TMEM178B: variants seen among roughly 807,000 people sequenced by gnomAD.
The protein encoded by TMEM178B is transmembrane protein 178B.
In TMEM178B, 5 loss-of-function variants were observed where a neutral mutation model predicts 31.0. The observed-to-expected ratio is 0.16, with a 90% CI of 0.08 to 0.34. TMEM178B has a LOEUF of 0.34. Among genes scored for constraint, TMEM178B ranks in the 10% least tolerant of loss-of-function variants. The probability of loss-of-function intolerance (pLI) is 1.00; values close to 1 mark genes in which losing one functional copy is unlikely to be tolerated. For synonymous variants in TMEM178B, 164 were observed against 164.0 expected (o/e 1.00, Z 0.00); for missense variants, 275 against 400.3 (o/e 0.69, Z 2.67).
At chr7:141,337,475 T>C (rs1799444656) in intron 2 of TMEM178B, among the ~76,000 whole-genome samples, 1 of 152,092 alleles carries the variant, frequency 6.6e-6, no homozygotes, top group Non-Finnish European at 1.5e-5. Context: ...ACTCAGGTAA[T>C]TGTCAAAAAA....
chr7:141,082,281 G>A (rs570404284), intron 1 of TMEM178B, among the ~76,000 whole-genome samples: 17 of 152,332 alleles, frequency 1.1e-4, no homozygotes, highest in African/African-American at 3.6e-4. Flanking sequence ...CTGGAGTTCA[G>A]GAGGTTTCAT....
In TMEM178B at chr7:141,422,738, G is replaced by A. The variant is rs1028527454; in HGVS notation, c.497-14870G>A. ...GAGCCAGCTACCACCAGCTTGAGAC[G>A]TGCAGTGGCTGGAGTGGGGAAGCTC... is the stretch of plus-strand genomic sequence containing the variant. On this transcript the variant is annotated intron_variant, in intron 2 of 3. Transcript: ENST00000565468. This position sits in a 1 kb window ranked among gnomAD's most constrained non-coding sequence, Gnocchi z 4.2. 6.6e-6 allele frequency among the ~76,000 whole-genome samples: 1 copy of A among 152,174 alleles called. No homozygotes were observed. Among genetic ancestry groups the A allele is most frequent in the African/African-American group, 2.4e-5 (1 of 41,450 alleles).
intron 1 of TMEM178B, among the ~76,000 whole-genome samples, chr7:141,133,413 T>C (rs1795625985): frequency 6.6e-6 from 1 of 151,856 alleles, no homozygotes; most frequent in Non-Finnish European, 1.5e-5. Context: ...CAAACAGACA[T>C]CCCATAACTG....
chr7:141,317,424 G>A (rs1267676921), intron 2 of TMEM178B, among the ~76,000 whole-genome samples: 1 of 152,192 alleles, frequency 6.6e-6, no homozygotes, highest in Non-Finnish European at 1.5e-5. Flanking sequence ...GAGAACAGCA[G>A]AGCTTTTCTA....
intron 1 of TMEM178B, among the ~76,000 whole-genome samples, chr7:141,077,110 C>G (rs1464250933): frequency 6.6e-6 from 1 of 152,192 alleles, no homozygotes; most frequent in Non-Finnish European, 1.5e-5. Context: ...AATTTTTACA[C>G]TTAGTGTTCC....
chr7:141,405,904 G>A (rs1303030282), intron 2 of TMEM178B, among the ~76,000 whole-genome samples: 2 of 152,186 alleles, frequency 1.3e-5, no homozygotes, highest in Admixed American at 6.5e-5. Flanking sequence ...ATGTGTCAGG[G>A]CATCAAAATG....
chr7:141,166,121 A>G (rs1380374430), intron 1 of TMEM178B, among the ~76,000 whole-genome samples: 1 of 152,210 alleles, frequency 6.6e-6, no homozygotes, highest in Non-Finnish European at 1.5e-5. Flanking sequence ...ATTTGCCACA[A>G]TTGCTGTACT....
chr7:141,203,826 A>C (rs1422769333), intron 1 of TMEM178B, among the ~76,000 whole-genome samples: 1 of 152,192 alleles, frequency 6.6e-6, no homozygotes, highest in Admixed American at 6.5e-5. Context: ...TCGGCATTGA[A>C]TAGATTTTTG....
chr7:141,278,449 G>T (rs182074024), intron 2 of TMEM178B, among the ~76,000 whole-genome samples: 1 of 152,194 alleles, frequency 6.6e-6, no homozygotes, highest in Non-Finnish European at 1.5e-5. Flanking sequence ...AGGCTTGGGG[G>T]CTGCGCACCT....
At chr7:141,487,741 C>CAAAA in the TMEM178B span, among the ~76,000 whole-genome samples, 6 of 30,260 alleles carry the variant, frequency 2.0e-4, no homozygotes, top group Non-Finnish European at 4.2e-4. Flanking sequence ...GACTCCGTCT[C>CAAAA]AAAAAAAAAA....
intron 3 of TMEM178B, among the ~76,000 whole-genome samples, chr7:141,452,249 T>C (rs1801878653): frequency 6.6e-6 from 1 of 152,204 alleles, no homozygotes; most frequent in Admixed American, 6.5e-5. Flanking sequence ...ATCTCCACCT[T>C]TCTGGAACCT....
intron 2 of TMEM178B, among the ~76,000 whole-genome samples, chr7:141,230,833 A>G (rs1797430387): frequency 6.6e-6 from 1 of 152,128 alleles, no homozygotes; most frequent in African/African-American, 2.4e-5. Flanking sequence ...GTAGATTACA[A>G]GACAGCTCAG....
intron 1 of TMEM178B, among the ~76,000 whole-genome samples, chr7:141,196,278 C>T (rs1444918493): frequency 6.6e-6 from 1 of 152,178 alleles, no homozygotes; most frequent in African/African-American, 2.4e-5. Context: ...TTGGTTTTCA[C>T]TCTTTTTTGC....
chr7:141,509,266 G>T, the TMEM178B span, among the ~76,000 whole-genome samples: 6 of 152,202 alleles, frequency 3.9e-5, no homozygotes, highest in African/African-American at 1.4e-4. Context: ...AATAGAGTAA[G>T]TGAAGAGGAA....
chr7:141,278,140 C>T (rs1049403691), intron 2 of TMEM178B, among the ~76,000 whole-genome samples: 1 of 152,176 alleles, frequency 6.6e-6, no homozygotes, highest in African/African-American at 2.4e-5. Flanking sequence ...TAGATGTCGG[C>T]AGTGGGAAAT....
At chr7:141,097,720 A>T (rs1243102571) in intron 1 of TMEM178B, among the ~76,000 whole-genome samples, 1 of 149,780 alleles carries the variant, frequency 6.7e-6, no homozygotes, top group Admixed American at 6.6e-5. Context: ...TATATAACTT[A>T]CTCATCATAT....
chr7:141,394,532 T>G (rs1443465531), intron 2 of TMEM178B, among the ~76,000 whole-genome samples: 1 of 152,214 alleles, frequency 6.6e-6, no homozygotes, highest in African/African-American at 2.4e-5. Context: ...TAACTTATTT[T>G]GGGGATAGTA....
chr7:141,336,398 G>A (rs1028555762), intron 2 of TMEM178B, among the ~76,000 whole-genome samples: 1 of 152,156 alleles, frequency 6.6e-6, no homozygotes, highest in Admixed American at 6.5e-5. Context: ...TCAGAGATCA[G>A]TCAGGAGGAG....
intron 1 of TMEM178B, among the ~76,000 whole-genome samples, chr7:141,199,290 T>C (rs1796836950): frequency 6.6e-6 from 1 of 152,180 alleles, no homozygotes; most frequent in African/African-American, 2.4e-5. Flanking sequence ...GACTGTGAAA[T>C]GTTATAGGTT....
Sources: allele counts gnomAD v4.1 joint callset (sites outside exome capture counted in the v4.1 genomes callset), GRCh38; gene constraint gnomAD v4.1.1; non-coding constraint Gnocchi (gnomAD v3.1); transcripts MANE v1.5; gene names NCBI Gene and HGNC (gene_info 2026-07-23, HGNC 2026-07-21).